DIP2A: variants seen among roughly 807,000 people sequenced by gnomAD.
DIP2A encodes the protein disco-interacting protein 2 homolog A.
DIP2A carries 85 observed loss-of-function variants against 177.4 expected under a neutral mutation model. That is an observed-to-expected ratio of 0.48 (90% CI 0.40 to 0.57). DIP2A has a LOEUF of 0.57. Ranked by LOEUF, DIP2A falls within the 20% of genes least tolerant of loss-of-function variation. The probability of loss-of-function intolerance (pLI) is 0.00; values close to 1 mark genes in which losing one functional copy is unlikely to be tolerated. For missense variants in DIP2A, 1,791 were observed against 2,100.2 expected (o/e 0.85, Z 2.88); for synonymous variants, 886 against 881.8 (o/e 1.00, Z -0.08).
At chr21:46,558,091 C>A in intron 31 of DIP2A, 132 bp from the exon 32 acceptor site, 1 of 949,918 alleles carries the variant, frequency 1.1e-6, no homozygotes, top group Non-Finnish European at 1.5e-6. Context: ...GGAACAGACA[C>A]AGCCTGCGGA....
At chr21:46,481,739 G>A (rs1399766116) in intron 1 of DIP2A, among the ~76,000 whole-genome samples, 1 of 152,180 alleles carries the variant, frequency 6.6e-6, no homozygotes, top group Non-Finnish European at 1.5e-5. Flanking sequence ...GAAACTGAAA[G>A]CAGAAAAAAC....
Position 46,498,550 on chromosome 21 carries a change from TATCATGCC to T in DIP2A, c.404-31_404-24del. The T allele has an allele frequency of 6.3e-7, 1 of 1,579,574 alleles. No individual in the cohort carries two copies. ...CCGTCCTCCTCTTGACTCATCCCGA[TATCATGCC>T]TGTCATCGTTATTTTAACCACAGAC... is the stretch of plus-strand genomic sequence containing the variant. On this transcript the variant is annotated intron_variant, in intron 4 of 37. Transcript: ENST00000417564. The surrounding 1 kb of genome is among the most constrained non-coding windows in gnomAD (Gnocchi z 4.3).
intron 6 of DIP2A, among the ~76,000 whole-genome samples, chr21:46,508,601 A>C (rs1601582668): frequency 6.9e-6 from 1 of 145,366 alleles, no homozygotes; most frequent in African/African-American, 2.5e-5. Context: ...CTCGTGATCC[A>C]CCTGCCTCAG....
At position 46,554,194 on chromosome 21, in the gene DIP2A, G is replaced by A. The variant is rs1294915674; in HGVS notation, c.3056G>A (p.Cys1019Tyr). 5.0e-6 allele frequency: 8 copies of A among 1,613,892 alleles called. No homozygotes were observed. Among genetic ancestry groups the A allele is most frequent in the Non-Finnish European group, 6.8e-6 (8 of 1,179,816 alleles). ...GGCACCGTCACAAGCACTGCAACCT[G>A]TGTCCAGCTGCACAAAAGGGCTGAG... ...AKGTVTSTAT[C>Y]VQLHKRAERV... The change falls in exon 26 of 38, where the codon TGT becomes TAT. Residue 1019 changes from cysteine to tyrosine, a missense_variant. Coordinates refer to ENST00000417564, the MANE Select transcript of DIP2A (RefSeq NM_015151.4).
At chr21:46,523,998 G>A (rs545559877) in intron 8 of DIP2A, among the ~76,000 whole-genome samples, 21 of 152,308 alleles carry the variant, frequency 1.4e-4, no homozygotes, top group African/African-American at 4.6e-4. Flanking sequence ...CCATTGCGGC[G>A]ACGCTGAATC....
chr21:46,469,822 A>G (rs1601345553), intron 1 of DIP2A, among the ~76,000 whole-genome samples: 1 of 151,846 alleles, frequency 6.6e-6, no homozygotes, highest in East Asian at 1.9e-4. Flanking sequence ...CCTCAAGGGC[A>G]TTTTCCCACA....
chr21:46,510,594 A>AT (rs2058260044), intron 7 of DIP2A, among the ~76,000 whole-genome samples: 2 of 151,796 alleles, frequency 1.3e-5, no homozygotes, highest in Admixed American at 1.3e-4. Flanking sequence ...AGATTAAAGT[A>AT]ATCTTTTTCC....
At chr21:46,464,368 G>A (rs2054606771) in intron 1 of DIP2A, among the ~76,000 whole-genome samples, 1 of 152,076 alleles carries the variant, frequency 6.6e-6, no homozygotes, top group African/African-American at 2.4e-5. Context: ...ACTCCAGCCT[G>A]GGCAACAAGA....
the DIP2A span, among the ~76,000 whole-genome samples, chr21:46,575,530 A>C: frequency 0.039 from 5,882 of 151,778 alleles, 141 homozygotes; most frequent in Middle Eastern, 0.092. Flanking sequence ...AGATTCCACA[A>C]AAAAAAGTAG....
intron 8 of DIP2A, among the ~76,000 whole-genome samples, chr21:46,514,617 C>CTT (rs752628688): frequency 0.23 from 16,616 of 71,010 alleles, 1,242 homozygotes; most frequent in Non-Finnish European, 0.26. Flanking sequence ...AACTTTTATT[C>CTT]TTTTTTTTTT....
intron 8 of DIP2A, among the ~76,000 whole-genome samples, chr21:46,515,081 G>C (rs1317327386): frequency 6.6e-6 from 1 of 152,154 alleles, no homozygotes; most frequent in African/African-American, 2.4e-5. Flanking sequence ...GTTTTCATTA[G>C]AAAAATTGAT....
chr21:46,459,181 TGCGGGAGAGC>T lies in DIP2A; in HGVS notation c.51_60del (p.Arg18TrpfsTer36). The T allele has an allele frequency of 6.6e-7, 1 of 1,524,606 alleles. No homozygotes were observed. Among genetic ancestry groups the T allele is most frequent in the Non-Finnish European group, 8.8e-7 (1 of 1,136,662 alleles). The allele number at this position is 1,524,606 out of a possible 1,614,324, so 94.4% of individuals were successfully genotyped here. A position where few individuals can be genotyped will look rare whatever the true frequency, so the allele number is the denominator to read the frequency against. Reference sequence around the variant, plus strand: ...GAGGCGGCGCCGCTGCCTGCCGAGGTGCGGGAGAGCCTGGCTGAGCTGGAGCTGGAGCTGT... The same window carrying T: ...GAGGCGGCGCCGCTGCCTGCCGAGGTCTGGCTGAGCTGGAGCTGGAGCTGT... On this transcript the variant is annotated frameshift_variant, in exon 1 of 38. Transcript: ENST00000417564. LOFTEE classifies it high-confidence loss of function.
Position 46,545,162 on chromosome 21 carries a change from AG to A in DIP2A, c.2204del (p.Gly735ValfsTer77). 6.2e-7 allele frequency: 1 copy of A among 1,603,714 alleles called. No homozygotes were observed. The highest frequency in any genetic ancestry group is 8.5e-7 in the Non-Finnish European group (1 of 1,171,742). On this transcript the variant is annotated frameshift_variant, in exon 19 of 38. Coordinates refer to ENST00000417564, the MANE Select transcript of DIP2A (RefSeq NM_015151.4). LOFTEE classifies it high-confidence loss of function. ...CTAATGTATGTGTTGTGAAGTTAGA[AG>A]GTACCCCTTATCTTTGTAAAACTGA... ...GANVCVVKLE[G>X]TPYLCKTDEV...
At chr21:46,549,979 G>A (rs926793445) in intron 22 of DIP2A, 94 bp downstream of exon 22, 15 of 1,569,072 alleles carry the variant, frequency 9.6e-6, no homozygotes, top group Admixed American at 7.1e-5. Flanking sequence ...TGTCCCGCCC[G>A]GTCCTCCCTG....
At chr21:46,510,353 T>C (rs757332723) in intron 7 of DIP2A, among the ~76,000 whole-genome samples, 6 of 152,164 alleles carry the variant, frequency 3.9e-5, no homozygotes, top group Non-Finnish European at 8.8e-5. Flanking sequence ...CCCAGTCCAC[T>C]GACTCAAACG....
intron 13 of DIP2A, among the ~76,000 whole-genome samples, chr21:46,535,714 C>A (rs146336521): frequency 1.3e-5 from 2 of 152,144 alleles, no homozygotes; most frequent in African/African-American, 4.8e-5. Context: ...AAAGTTAGAT[C>A]TTTCAGATCA....
Position 46,537,296 on chromosome 21 carries a change from T to A in DIP2A, c.1707+8T>A. 6.2e-7 allele frequency: 1 copy of A among 1,613,984 alleles called. No homozygotes were observed. The highest frequency in any genetic ancestry group is 8.5e-7 in the Non-Finnish European group (1 of 1,179,856). On this transcript the variant is annotated splice_region_variant and intron_variant, in intron 14 of 37. Transcript: ENST00000417564. This position sits in a 1 kb window ranked among gnomAD's most constrained non-coding sequence, Gnocchi z 4.1. ...TGGCATGGCGTGTTAACAGTGAGTG[T>A]TGTTTGCTGATGACTAACTGTTGGA...
the DIP2A span, among the ~76,000 whole-genome samples, chr21:46,577,723 G>A: frequency 6.6e-6 from 1 of 152,032 alleles, no homozygotes; most frequent in Admixed American, 6.6e-5. Context: ...TTACTTTGGG[G>A]AGTATGGCCA....
chr21:46,581,200 C>G, the DIP2A span, among the ~76,000 whole-genome samples: 1 of 152,194 alleles, frequency 6.6e-6, no homozygotes, highest in Non-Finnish European at 1.5e-5. Flanking sequence ...AGATAGTCTT[C>G]AAGCTCTGAG....
Sources: allele counts gnomAD v4.1 joint callset (sites outside exome capture counted in the v4.1 genomes callset), GRCh38; gene constraint gnomAD v4.1.1; non-coding constraint Gnocchi (gnomAD v3.1); transcripts MANE v1.5; gene names NCBI Gene and HGNC (gene_info 2026-07-23, HGNC 2026-07-21).